The following GABBR2 variants were observed in gnomAD, a reference collection of about 807,000 sequenced individuals.
GABBR2 encodes gamma-aminobutyric acid type B receptor subunit 2.
GABBR2 carries 23 observed loss-of-function variants against 105.6 expected under a neutral mutation model. The ratio of observed to expected loss-of-function variants is 0.22; its 90% CI spans 0.16 to 0.31. The LOEUF is 0.31. GABBR2 is among the 10% of genes least tolerant of loss of function. The pLI is 1.00. For synonymous variants in GABBR2, 478 were observed against 499.7 expected, an observed-to-expected ratio of 0.96 and a Z score of 0.58; for missense variants, 734 against 1,245.5, an observed-to-expected ratio of 0.59 and a Z score of 6.18.
intron 7 of GABBR2, among the ~76,000 whole-genome samples, chr9:98,440,784 C>T (rs1826018204): frequency 6.6e-6 from 1 of 152,206 alleles, no homozygotes; most frequent in African/African-American, 2.4e-5. Context: ...TGCATGAGCA[C>T]ACACAGGCGG....
chr9:98,376,424 G>C (rs780203129), intron 11 of GABBR2, among the ~76,000 whole-genome samples: 1 of 152,208 alleles, frequency 6.6e-6, no homozygotes, highest in Non-Finnish European at 1.5e-5. Flanking sequence ...TGGCTGGCTG[G>C]ACACAGGGGC....
chr9:98,574,460 C>T (rs2778903), intron 2 of GABBR2, among the ~76,000 whole-genome samples: 1 of 152,080 alleles, frequency 6.6e-6, no homozygotes. Flanking sequence ...GCAGATCCTT[C>T]GGCCCTAATC....
chr9:98,296,602 A>G (rs1286155294), intron 17 of GABBR2, among the ~76,000 whole-genome samples: 1 of 152,232 alleles, frequency 6.6e-6, no homozygotes, highest in Non-Finnish European at 1.5e-5. Flanking sequence ...ATCTCATTGC[A>G]GATTTAATTT....
chr9:98,357,971 T>C (rs1242148081), intron 13 of GABBR2, among the ~76,000 whole-genome samples: 1 of 152,264 alleles, frequency 6.6e-6, no homozygotes, highest in East Asian at 1.9e-4. Flanking sequence ...TGGGTATTCA[T>C]GCGTGACTTG....
At position 98,708,717 on chromosome 9, in the gene GABBR2, G is replaced by C. The variant is rs984433851; in HGVS notation, c.21C>G (p.Ser7=). The C allele has an allele frequency of 6.1e-6, 6 of 990,834 alleles. No individual in the cohort carries two copies. The highest frequency in any genetic ancestry group is 9.1e-5 in the South Asian group (2 of 22,078). 61.4% of individuals were successfully genotyped at this position (990,834 alleles called of 1,614,324 possible). Reference sequence around the variant, plus strand: ...GCGGCGGCGGCGGCCCGGGCTGCCCGGAGCTCCGCGGGGAAGCCATGCCGC... The same window carrying C: ...GCGGCGGCGGCGGCCCGGGCTGCCCCGAGCTCCGCGGGGAAGCCATGCCGC... MASPRS[S]GQPGPPPPPP... The change falls in exon 1 of 19, where the codon TCC becomes TCG. Residue 7 remains serine (S), a synonymous_variant. Coordinates refer to ENST00000259455, the MANE Select transcript of GABBR2 (RefSeq NM_005458.8).
chr9:98,569,957 T>C (rs1303368729), intron 2 of GABBR2, among the ~76,000 whole-genome samples: 3 of 152,264 alleles, frequency 2.0e-5, no homozygotes, highest in African/African-American at 7.2e-5. Flanking sequence ...TTTAGAATGA[T>C]GCCAGAATTC....
intron 1 of GABBR2, among the ~76,000 whole-genome samples, chr9:98,683,549 T>C (rs1830577303): frequency 6.6e-6 from 1 of 152,224 alleles, no homozygotes; most frequent in African/African-American, 2.4e-5. Flanking sequence ...TGACTACGTG[T>C]TAAAATACTT....
chr9:98,571,765 T>A (rs1321957266), intron 2 of GABBR2, among the ~76,000 whole-genome samples: 1 of 152,146 alleles, frequency 6.6e-6, no homozygotes, highest in Admixed American at 6.5e-5. Flanking sequence ...CACAGGGAAC[T>A]CATGACTTCA....
intron 13 of GABBR2, among the ~76,000 whole-genome samples, chr9:98,325,281 TTC>T (rs1413415754): frequency 5.9e-5 from 8 of 136,056 alleles, no homozygotes; most frequent in African/African-American, 2.3e-4. Context: ...AGGACAGCAA[TTC>T]TTTTTTTTTT....
chr9:98,475,361 AAAG>A (rs1826770545), intron 5 of GABBR2, among the ~76,000 whole-genome samples: 1 of 151,692 alleles, frequency 6.6e-6, no homozygotes, highest in African/African-American at 2.4e-5. Flanking sequence ...AAAAAAAAGA[AAAG>A]AAAAGAAAAG....
intron 3 of GABBR2, among the ~76,000 whole-genome samples, chr9:98,534,754 G>A (rs1828137309): frequency 6.6e-6 from 1 of 152,370 alleles, no homozygotes; most frequent in East Asian, 1.9e-4. Context: ...GGGAGTCACA[G>A]AAACTCTCAT....
chr9:98,600,152 C>T (rs1175600316), intron 1 of GABBR2, among the ~76,000 whole-genome samples: 3 of 152,100 alleles, frequency 2.0e-5, no homozygotes, highest in Non-Finnish European at 2.9e-5. Context: ...GTGCAGCCCC[C>T]CAAATCTCCC....
At chr9:98,522,077 T>C (rs1478254520) in intron 3 of GABBR2, among the ~76,000 whole-genome samples, 1 of 152,008 alleles carries the variant, frequency 6.6e-6, no homozygotes, top group African/African-American at 2.4e-5. Flanking sequence ...TAATAATGAC[T>C]GGAAATGAAT....
chr9:98,696,173 G>C (rs190456513), intron 1 of GABBR2, among the ~76,000 whole-genome samples: 4 of 152,360 alleles, frequency 2.6e-5, no homozygotes, highest in African/African-American at 9.6e-5. Flanking sequence ...GGGGAGGACA[G>C]AGAATGCACA....
chr9:98,630,607 T>G (rs1459126832), intron 1 of GABBR2, among the ~76,000 whole-genome samples: 3 of 151,930 alleles, frequency 2.0e-5, no homozygotes, highest in East Asian at 1.9e-4. Context: ...AAAACACAGA[T>G]AGCCAAAAGA....
intron 7 of GABBR2, among the ~76,000 whole-genome samples, chr9:98,414,075 T>C (rs1249543521): frequency 6.6e-6 from 1 of 152,180 alleles, no homozygotes; most frequent in Non-Finnish European, 1.5e-5. Flanking sequence ...TGGTCCTAGA[T>C]TGCATGAAGT....
chr9:98,403,273 G>A, intron 8 of GABBR2, among the ~76,000 whole-genome samples: 1 of 118,214 alleles, frequency 8.5e-6, no homozygotes, highest in South Asian at 2.9e-4. Context: ...CAGCCTGGGT[G>A]ACACAGTGAG....
At chr9:98,532,074 T>G (rs1367867444) in intron 3 of GABBR2, among the ~76,000 whole-genome samples, 4 of 152,238 alleles carry the variant, frequency 2.6e-5, no homozygotes. Context: ...GAAGTACAGT[T>G]TTGATGTGCT....
chr9:98,444,732 G>A (rs1276556120), intron 7 of GABBR2, among the ~76,000 whole-genome samples: 1 of 152,214 alleles, frequency 6.6e-6, no homozygotes, highest in Non-Finnish European at 1.5e-5. Context: ...TGCTGCTCAA[G>A]CCCTGGGATT....
Sources: gnomAD v4.1 joint callset for allele counts (sites outside exome capture counted in the v4.1 genomes callset) on GRCh38, gnomAD v4.1.1 for gene constraint, MANE v1.5 for transcripts, NCBI Gene and HGNC (gene_info 2026-07-23, HGNC 2026-07-21) for gene names.